Variants in CCDC33 observed in about 807,000 individuals in gnomAD.
CCDC33 encodes coiled-coil domain containing 33, also known as coiled-coil domain-containing protein 33.
A neutral mutation model predicts 91.9 loss-of-function variants in CCDC33; 94 were observed. The ratio of observed to expected loss-of-function variants is 1.02; its 90% confidence interval spans 0.87 to 1.21. The LOEUF (loss-of-function observed/expected upper bound fraction) is 1.21. Ranked by LOEUF, CCDC33 falls within the 50% of genes most tolerant of loss-of-function variation. The pLI is 0.00. For missense variants in CCDC33, 940 were observed against 935.5 expected (o/e 1.00, Z -0.06); for synonymous variants, 396 against 374.5 (o/e 1.06, Z -0.66).
chr15:74,310,535 C>CAA (rs75401537), intron 11 of CCDC33, among the ~76,000 whole-genome samples: 14 of 63,510 alleles, frequency 2.2e-4, no homozygotes, highest in East Asian at 4.9e-4. Flanking sequence ...GACTCCATCT[C>CAA]AAAAAAAAAA....
rs557726719 is a variant in CCDC33 at position 74,333,563 on chromosome 15, CAG to C, written c.1939-317_1939-316del. 6.5e-4 allele frequency among the ~76,000 whole-genome samples: 99 copies of C among 152,322 alleles called. 4 individuals carry two copies. In the South Asian group the frequency reaches 0.02, roughly 31 times the overall value. The stretch of plus-strand genomic sequence containing the variant: ...GTGAGGGATGAGGTCAACTGCCTCA[CAG>C]GTTCTTCACTTCACTCAAAGACTCC... On this transcript the variant is annotated intron_variant, in intron 16 of 18. Coordinates refer to ENST00000398814, the MANE Select transcript of CCDC33 (RefSeq NM_025055.5).
intron 2 of CCDC33, among the ~76,000 whole-genome samples, chr15:74,247,365 T>TATAG (rs2075565778): frequency 1.9e-5 from 1 of 52,698 alleles, no homozygotes; most frequent in African/African-American, 3.4e-5. Flanking sequence ...GTCATATATA[T>TATAG]ATATATACAC....
intron 10 of CCDC33, among the ~76,000 whole-genome samples, chr15:74,292,231 G>A (rs2059598018): frequency 1.3e-5 from 2 of 152,206 alleles, no homozygotes; most frequent in Admixed American, 1.3e-4. Context: ...ATTAGGAGGA[G>A]TTAGTCTTGG....
chr15:74,321,014 G>A (rs1037004731), intron 11 of CCDC33, among the ~76,000 whole-genome samples: 55 of 152,072 alleles, frequency 3.6e-4, no homozygotes, highest in Non-Finnish European at 1.2e-4. Context: ...CTGGGAGTAA[G>A]GGGACTTCTT....
At chr15:74,319,757 G>C (rs571111496) in intron 11 of CCDC33, 3 of 151,982 alleles carry the variant, frequency 2.0e-5, no homozygotes, top group Admixed American at 2.0e-4. Flanking sequence ...CAGCCCAGCC[G>C]GTCTCCATTG....
At chr15:74,208,303 C>T (rs552917190) in intron 1 of CCDC33, among the ~76,000 whole-genome samples, 4 of 152,228 alleles carry the variant, frequency 2.6e-5, no homozygotes, top group Non-Finnish European at 4.4e-5. Context: ...TTCCTGCCTT[C>T]GGAGGACTAG....
rs1370565871 is a variant in CCDC33 at position 74,282,465 on chromosome 15, C to T, written c.1095+616C>T. Among the ~76,000 whole-genome samples the T allele has an allele frequency of 3.9e-5, 6 of 152,286 alleles. No homozygotes were observed. The East Asian group carries it at 5.8e-4, about 15-fold the overall frequency. On this transcript the variant is annotated intron_variant, in intron 10 of 18. Transcript: ENST00000398814. ...CTTAAGCCAGCAGGCATGTCCAGTC[C>T]CTGTCACACCTCAAAACTCTGACTT...
intron 1 of CCDC33, among the ~76,000 whole-genome samples, chr15:74,205,074 T>C (rs2074230634): frequency 6.6e-6 from 1 of 152,022 alleles, no homozygotes; most frequent in Non-Finnish European, 1.5e-5. Context: ...TGGTAGGGCT[T>C]AGGGGAGACA....
chr15:74,281,740 TG>T, intron 9 of CCDC33, 37 bp from the exon 10 acceptor site: 1 of 1,581,070 alleles, frequency 6.3e-7, no homozygotes, highest in Non-Finnish European at 8.7e-7. Flanking sequence ...GAAGCTGCCC[TG>T]GCCAGCATGG....
At chr15:74,282,120 C>T (rs571455303) in intron 10 of CCDC33, among the ~76,000 whole-genome samples, 1 of 152,350 alleles carries the variant, frequency 6.6e-6, no homozygotes, top group Non-Finnish European at 1.5e-5. Flanking sequence ...GATCGAGGTT[C>T]TGCAAGGGTG....
chr15:74,258,006 G>T (rs1008477273), intron 2 of CCDC33, among the ~76,000 whole-genome samples: 1 of 152,194 alleles, frequency 6.6e-6, no homozygotes, highest in Non-Finnish European at 1.5e-5. Flanking sequence ...GAGGAGAATT[G>T]CCCTACCTTC....
At chr15:74,230,153 A>C (rs1416258208) in intron 2 of CCDC33, among the ~76,000 whole-genome samples, 3 of 152,198 alleles carry the variant, frequency 2.0e-5, no homozygotes. Flanking sequence ...TGAGCAGACC[A>C]GGAGGCTGGC....
intron 1 of CCDC33, among the ~76,000 whole-genome samples, chr15:74,204,255 G>T (rs1441838037): frequency 6.6e-6 from 1 of 152,232 alleles, no homozygotes; most frequent in African/African-American, 2.4e-5. Flanking sequence ...AGCTCCCGGA[G>T]GGCGGGACTC....
At chr15:74,250,902 C>T (rs531552811) in intron 2 of CCDC33, among the ~76,000 whole-genome samples, 3 of 152,306 alleles carry the variant, frequency 2.0e-5, no homozygotes, top group Admixed American at 6.5e-5. Flanking sequence ...TGAGATGCTG[C>T]GGGTCTAAAG....
At chr15:74,330,576 G>A in intron 12 of CCDC33, 87 bp from the exon 13 acceptor site, 2 of 1,224,300 alleles carry the variant, frequency 1.6e-6, no homozygotes, top group Non-Finnish European at 2.4e-6. Context: ...CTCGGGCCAA[G>A]GGATATCTGC....
At chr15:74,257,419 T>C (rs547891449) in intron 2 of CCDC33, among the ~76,000 whole-genome samples, 12 of 152,272 alleles carry the variant, frequency 7.9e-5, no homozygotes, top group Admixed American at 3.3e-4. Flanking sequence ...CTGCCTCAGA[T>C]CTCAGCTCCT....
intron 7 of CCDC33, among the ~76,000 whole-genome samples, chr15:74,274,169 G>A (rs2076392665): frequency 6.6e-6 from 1 of 152,240 alleles, no homozygotes; most frequent in Non-Finnish European, 1.5e-5. Context: ...GTTGGTACAG[G>A]TTGGACACAG....
intron 2 of CCDC33, among the ~76,000 whole-genome samples, chr15:74,222,698 AAGG>A (rs928327893): frequency 6.6e-5 from 10 of 151,924 alleles, no homozygotes; most frequent in African/African-American, 2.2e-4. Context: ...GGCTTTCATT[AAGG>A]AGAAGTGGAG....
chr15:74,273,303 C>T (rs1211210048), intron 7 of CCDC33, among the ~76,000 whole-genome samples: 5 of 152,194 alleles, frequency 3.3e-5, no homozygotes, highest in African/African-American at 9.7e-5. Context: ...TGGGGAGTTA[C>T]AGGTCATAAG....
Sources: allele counts gnomAD v4.1 joint callset (sites outside exome capture counted in the v4.1 genomes callset), GRCh38; gene constraint gnomAD v4.1.1; transcripts MANE v1.5; gene names NCBI Gene and HGNC (gene_info 2026-07-23, HGNC 2026-07-21).